Variants in TRHDE observed in about 807,000 individuals in gnomAD.
TRHDE encodes thyrotropin releasing hormone degrading enzyme.
A neutral mutation model predicts 125.7 loss-of-function variants in TRHDE; 72 were observed. The ratio of observed to expected loss-of-function variants is 0.57; its 90% CI spans 0.47 to 0.70. The LOEUF is 0.70. TRHDE is among the 30% of genes least tolerant of loss of function. The pLI is 0.00. For missense variants in TRHDE, 1,110 were observed against 1,327.1 expected, an observed-to-expected ratio of 0.84 and a Z score of 2.54; for synonymous variants, 509 against 509.1, an observed-to-expected ratio of 1.00 and a Z score of 0.00.
intron 9 of TRHDE, among the ~76,000 whole-genome samples, chr12:72,565,528 T>C (rs1207308670): frequency 2.6e-5 from 4 of 152,212 alleles, no homozygotes; most frequent in Non-Finnish European, 5.9e-5. Context: ...TTTTTCATTA[T>C]ACAGTTAATG....
Position 72,273,928 on chromosome 12 carries a change from G to C in TRHDE, c.914+371G>C, listed in dbSNP as rs938450481. ...ATGAAAAGCTTGCCAAGTTACTGTC[G>C]AGGGAAAATACGTGGCGCTGAAGGC... On this transcript the variant is annotated intron_variant, in intron 1 of 18. Transcript: ENST00000261180. The surrounding 1 kb of genome is among the most constrained non-coding windows in gnomAD (Gnocchi z 5.3). 4.6e-6 allele frequency: 1 copy of C among 216,172 alleles called. No homozygotes were observed. Among genetic ancestry groups the C allele is most frequent in the Admixed American group, 5.1e-5 (1 of 19,566 alleles). 13.4% of individuals were successfully genotyped at this position (216,172 alleles called of 1,614,324 possible). A position where few individuals can be genotyped will look rare whatever the true frequency, so the allele number is the denominator to read the frequency against.
intron 5 of TRHDE, among the ~76,000 whole-genome samples, chr12:72,491,194 A>G (rs989158178): frequency 1.3e-5 from 2 of 151,940 alleles, no homozygotes; most frequent in Non-Finnish European, 2.9e-5. Context: ...TGAAAGCTAA[A>G]TGACATGCAT....
chr12:72,317,772 A>G (rs1366762156), intron 2 of TRHDE, among the ~76,000 whole-genome samples: 1 of 152,164 alleles, frequency 6.6e-6, no homozygotes, highest in African/African-American at 2.4e-5. Flanking sequence ...GAAGGGGGGA[A>G]TTATAGGATG....
chr12:72,546,480 C>T (rs1211031874), intron 7 of TRHDE, among the ~76,000 whole-genome samples: 3 of 151,468 alleles, frequency 2.0e-5, no homozygotes, highest in Admixed American at 1.3e-4. Flanking sequence ...AGGAAACTAT[C>T]GATGATCATT....
chr12:72,464,639 C>T lies in TRHDE; in HGVS notation c.1316-5119C>T, dbSNP rs916801277. On this transcript the variant is annotated intron_variant, in intron 3 of 18. Coordinates refer to ENST00000261180, the MANE Select transcript of TRHDE (RefSeq NM_013381.3). Reference sequence around the variant, plus strand: ...CAAGAAAATGAAAAACAAAGCAAAACAAAACAAGAAGAAGGGCTAATCTGA... The same window carrying T: ...CAAGAAAATGAAAAACAAAGCAAAATAAAACAAGAAGAAGGGCTAATCTGA... Among the ~76,000 whole-genome samples the T allele has an allele frequency of 2.6e-5, 4 of 151,996 alleles. No individual in the cohort carries two copies. The East Asian group carries it at 7.7e-4, about 29-fold the overall frequency.
chr12:72,176,437 A>G (rs1876989749), intron 2 of TRHDE, among the ~76,000 whole-genome samples: 3 of 152,158 alleles, frequency 2.0e-5, no homozygotes, highest in Admixed American at 1.3e-4. Flanking sequence ...AGGAGGTGAC[A>G]GCTAGAGGCT....
chr12:72,366,928 C>A (rs1871362043), intron 2 of TRHDE, among the ~76,000 whole-genome samples: 1 of 152,048 alleles, frequency 6.6e-6, no homozygotes, highest in Non-Finnish European at 1.5e-5. Context: ...AGTAATCGTT[C>A]TCAAAATATT....
chr12:72,589,872 A>T (rs1871597637), intron 12 of TRHDE, among the ~76,000 whole-genome samples: 1 of 151,860 alleles, frequency 6.6e-6, no homozygotes, highest in African/African-American at 2.4e-5. Flanking sequence ...TTTTTAAATT[A>T]TTCTATTTTC....
At chr12:72,125,643 AT>A (rs1566232181) in intron 2 of TRHDE, among the ~76,000 whole-genome samples, 1 of 152,178 alleles carries the variant, frequency 6.6e-6, no homozygotes, top group East Asian at 1.9e-4. Flanking sequence ...AGTATGTAGC[AT>A]TTTTTAATGC....
chr12:72,518,801 G>A (rs1179413216), intron 6 of TRHDE, among the ~76,000 whole-genome samples: 10 of 152,164 alleles, frequency 6.6e-5, no homozygotes, highest in African/African-American at 2.4e-4. Context: ...TCCTTTCCAT[G>A]TTTAGTGCTT....
At chr12:72,659,574 A>C (rs1253953646) in intron 18 of TRHDE, among the ~76,000 whole-genome samples, 1 of 152,182 alleles carries the variant, frequency 6.6e-6, no homozygotes, top group African/African-American at 2.4e-5. Flanking sequence ...ATGTTTTACA[A>C]TCTACTCTAA....
intron 6 of TRHDE, among the ~76,000 whole-genome samples, chr12:72,539,366 A>T (rs896802698): frequency 2.6e-5 from 4 of 151,878 alleles, no homozygotes; most frequent in African/African-American, 4.8e-5. Flanking sequence ...CCCTCTCCAA[A>T]AGTGAGGATT....
intron 18 of TRHDE, among the ~76,000 whole-genome samples, chr12:72,660,318 G>A (rs889962371): frequency 3.9e-4 from 60 of 152,332 alleles, no homozygotes; most frequent in Non-Finnish European, 2.4e-4. Context: ...GCACCACAGG[G>A]AGGGGTTTAG....
chr12:72,563,158 GTTTC>G (rs776438223), intron 9 of TRHDE, 118 bp downstream of exon 9: 19 of 761,846 alleles, frequency 2.5e-5, no homozygotes, highest in Non-Finnish European at 3.4e-5. Flanking sequence ...TATAGTTTTT[GTTTC>G]TTTATTTACA....
rs148123937 is a variant in TRHDE at position 72,392,677 on chromosome 12, A to C, written c.1315+14556A>C. Among the ~76,000 whole-genome samples, 4 of 152,306 alleles carry C rather than the reference A, an allele frequency of 2.6e-5. 1 individual carries two copies. The highest frequency in any genetic ancestry group is 7.2e-5 in the African/African-American group (3 of 41,572). ...TTCCAATAACATCTTGTTTACTAAA[A>C]CAGATGGTTGGCCAGAATTGACCCA... On this transcript the variant is annotated intron_variant, in intron 3 of 18. Transcript: ENST00000261180.
intron 2 of TRHDE, among the ~76,000 whole-genome samples, chr12:72,140,620 A>G (rs1876090543): frequency 6.6e-6 from 1 of 152,180 alleles, no homozygotes; most frequent in Non-Finnish European, 1.5e-5. Context: ...TGTCAACACT[A>G]TTTTGAGAAA....
rs142648209 is a variant in TRHDE, at chr12:72,131,643, G to T, written n.279+25891G>T. On this transcript the variant is annotated intron_variant and non_coding_transcript_variant, in intron 2 of 4. Coordinates refer to the TRHDE transcript ENST00000548156. ...GTTAACAAAATGATCCTCAAATATC[G>T]GTTATTCAATGGCTGCTGTCTGGCG... Among the ~76,000 whole-genome samples the T allele has an allele frequency of 9.0e-4, 137 of 152,188 alleles. 1 individual carries two copies. The highest frequency in any genetic ancestry group is 3.4e-3 in the Middle Eastern group (1 of 294).
chr12:72,653,216 G>T, intron 17 of TRHDE, 60 bp downstream of exon 17: 3 of 1,439,342 alleles, frequency 2.1e-6, no homozygotes, highest in Non-Finnish European at 1.9e-6. Context: ...AGGAATAAAG[G>T]CCCAAGTTTT....
intron 2 of TRHDE, chr12:72,257,089 T>C (rs1878835422): frequency 6.6e-6 from 1 of 152,190 alleles, no homozygotes; most frequent in Non-Finnish European, 1.5e-5. Flanking sequence ...TTGTTGTAAT[T>C]GTTGTCATCT....
Sources: allele counts gnomAD v4.1 joint callset (sites outside exome capture counted in the v4.1 genomes callset), GRCh38; gene constraint gnomAD v4.1.1; non-coding constraint Gnocchi (gnomAD v3.1); transcripts MANE v1.5; gene names NCBI Gene and HGNC (gene_info 2026-07-23, HGNC 2026-07-21).